The following GSG1L2 variants were observed in gnomAD, a reference collection of about 807,000 sequenced individuals.
The protein encoded by GSG1L2 is germ cell-specific gene 1-like protein 2.
In GSG1L2, 15 loss-of-function variants were observed where a neutral mutation model predicts 9.0. That is an observed-to-expected ratio of 1.67 (90% CI 1.12 to 2.57). The LOEUF is 2.57. Ranked by LOEUF, GSG1L2 falls within the 30% of genes most tolerant of loss-of-function variation. The pLI is 0.00. For synonymous variants in GSG1L2, 127 were observed against 57.9 expected, an observed-to-expected ratio of 2.19 and a Z score of -5.41; for missense variants, 286 against 150.3, an observed-to-expected ratio of 1.90 and a Z score of -4.72.
rs2152021573 is a variant in GSG1L2 at position 9,801,759 on chromosome 17, T to G, written c.*627A>C. On this transcript the variant is annotated 3_prime_UTR_variant, in exon 5 of 5. Coordinates refer to ENST00000399363, the MANE Select transcript of GSG1L2 (RefSeq NM_001310219.2). ...GTGTTCCACTTAAACTAAGATAAGA[T>G]GTCATTCCATTTGACTGTGTTTTCA... 6.6e-6 allele frequency among the ~76,000 whole-genome samples: 1 copy of G among 152,384 alleles called. No homozygotes were observed. Among genetic ancestry groups the G allele is most frequent in the South Asian group, 2.1e-4 (1 of 4,828 alleles).
chr17:9,816,651 GTGTC>G (rs1263439329), intron 1 of GSG1L2, among the ~76,000 whole-genome samples: 29 of 123,106 alleles, frequency 2.4e-4, no homozygotes, highest in Admixed American at 2.1e-3. Context: ...GTGTCTGTGT[GTGTC>G]TGTGTGTGCG....
chr17:9,810,188 G>A (rs4791360), intron 2 of GSG1L2: 174,752 of 247,334 alleles, frequency 0.71, 62,735 homozygotes, highest in East Asian at 0.87. Context: ...TGAGTGTTAG[G>A]GAGCTTTAGA....
intron 1 of GSG1L2, among the ~76,000 whole-genome samples, chr17:9,812,507 T>C (rs989352983): frequency 6.6e-6 from 1 of 152,124 alleles, no homozygotes; most frequent in Admixed American, 6.6e-5. Context: ...CAAATTACCA[T>C]AGATGGGGTG....
chr17:9,811,991 T>TTA (rs2066540969), intron 1 of GSG1L2, among the ~76,000 whole-genome samples: 1 of 151,926 alleles, frequency 6.6e-6, no homozygotes. Flanking sequence ...CACTTATCAC[T>TTA]TATCACTTAT....
chr17:9,802,040 C>T lies in GSG1L2; in HGVS notation c.*346G>A, dbSNP rs1188982585. ...TTTGCCTCCCTTGTAGTTAAAAAGA[C>T]TTGCTTTCCTCTTTCTTCAACTTCT... On this transcript the variant is annotated 3_prime_UTR_variant, in exon 5 of 5. Coordinates refer to ENST00000399363, the MANE Select transcript of GSG1L2 (RefSeq NM_001310219.2). Among the ~76,000 whole-genome samples, 1 of 152,210 alleles carries T rather than the reference C, an allele frequency of 6.6e-6. No individual in the cohort carries two copies. The highest frequency in any genetic ancestry group is 2.1e-4 in the South Asian group (1 of 4,828).
At chr17:9,817,637 C>A (rs895042090) in intron 1 of GSG1L2, among the ~76,000 whole-genome samples, 1 of 152,040 alleles carries the variant, frequency 6.6e-6, no homozygotes, top group Admixed American at 6.6e-5. Flanking sequence ...GTTGGCCAGG[C>A]CGGTCTTGAA....
chr17:9,805,790 A>G (rs750638280), intron 4 of GSG1L2, among the ~76,000 whole-genome samples: 1 of 152,178 alleles, frequency 6.6e-6, no homozygotes, highest in Non-Finnish European at 1.5e-5. Context: ...CTGAGAAGCT[A>G]ATCTGATTAG....
intron 3 of GSG1L2, 91 bp downstream of exon 3, chr17:9,808,739 G>A (rs76548690): frequency 2.6e-5 from 17 of 647,050 alleles, no homozygotes; most frequent in Non-Finnish European, 4.2e-5. Context: ...ATGGGAAAGA[G>A]CCAGCCTGTT....
intron 1 of GSG1L2, among the ~76,000 whole-genome samples, chr17:9,811,362 C>T (rs1013641856): frequency 2.0e-5 from 3 of 152,204 alleles, no homozygotes; most frequent in Non-Finnish European, 1.5e-5. Flanking sequence ...AAGCCGCCAC[C>T]AGACTCATTT....
Position 9,807,605 on chromosome 17 carries a change from C to T in GSG1L2, c.512-4G>A, listed in dbSNP as rs142427521. ...TGGGCCACCATGCCTAGAAGCCCTG[C>T]GCAAGGAAAGCTCTGTGAGTCACAG... On this transcript the variant is annotated splice_region_variant and splice_polypyrimidine_tract_variant and intron_variant, in intron 3 of 4. Transcript: ENST00000399363. 6.3e-5 allele frequency: 44 copies of T among 703,330 alleles called. No individual in the cohort carries two copies. The highest frequency in any genetic ancestry group is 1.1e-4 in the East Asian group (4 of 37,288). 43.6% of individuals were successfully genotyped at this position (703,330 alleles called of 1,614,324 possible). A position where few individuals can be genotyped will look rare whatever the true frequency, so the allele number is the denominator to read the frequency against.
chr17:9,820,519 G>A lies in GSG1L2; in HGVS notation c.310+1243C>T, dbSNP rs955746944. Among the ~76,000 whole-genome samples the A allele has an allele frequency of 3.3e-5, 5 of 152,286 alleles. No individual in the cohort carries two copies. The highest frequency in any genetic ancestry group is 1.3e-4 in the Admixed American group (2 of 15,302). ...AGCCTTAGCTCCAGGCACTATTGCA[G>A]TGTCTGTACCACACTTAAAGCACAA... On this transcript the variant is annotated intron_variant, in intron 1 of 4. Coordinates refer to ENST00000399363, the MANE Select transcript of GSG1L2 (RefSeq NM_001310219.2). The surrounding 1 kb of genome is among the most constrained non-coding windows in gnomAD (Gnocchi z 4.9).
At chr17:9,814,425 G>A (rs908467877) in intron 1 of GSG1L2, among the ~76,000 whole-genome samples, 3 of 152,136 alleles carry the variant, frequency 2.0e-5, no homozygotes, top group African/African-American at 7.2e-5. Flanking sequence ...AGAAGTGAAG[G>A]TCTAACTTGT....
chr17:9,800,757 G>A lies in GSG1L2; in HGVS notation c.*1629C>T, dbSNP rs2066493637. 6.6e-6 allele frequency among the ~76,000 whole-genome samples: 1 copy of A among 152,164 alleles called. No homozygotes were observed. The highest frequency in any genetic ancestry group is 2.1e-4 in the South Asian group (1 of 4,826). On this transcript the variant is annotated 3_prime_UTR_variant, in exon 5 of 5. Transcript: ENST00000399363. The stretch of plus-strand genomic sequence containing the variant: ...GACCTGATATCGTGACAGTCACACA[G>A]GACCTGCCTACATGAATACATAGGG...
At chr17:9,819,179 G>A (rs1359806672) in intron 1 of GSG1L2, among the ~76,000 whole-genome samples, 1 of 152,190 alleles carries the variant, frequency 6.6e-6, no homozygotes, top group Non-Finnish European at 1.5e-5. Flanking sequence ...GATCAGAAAC[G>A]AAGAGGCAAT....
intron 4 of GSG1L2, chr17:9,803,866 C>T (rs908571257): frequency 6.6e-6 from 1 of 152,210 alleles, no homozygotes; most frequent in Non-Finnish European, 1.5e-5. Context: ...CGGCTGCAAA[C>T]CCTGTGAGTC....
chr17:9,803,415 C>T (rs2066505092), intron 4 of GSG1L2, among the ~76,000 whole-genome samples: 1 of 152,174 alleles, frequency 6.6e-6, no homozygotes, highest in African/African-American at 2.4e-5. Flanking sequence ...CATCATTATT[C>T]TTATATCCCC....
chr17:9,810,719 G>A, intron 1 of GSG1L2, 101 bp from the exon 2 acceptor site: 1 of 688,264 alleles, frequency 1.5e-6, no homozygotes, highest in Non-Finnish European at 2.6e-6. Context: ...AATGGGGAGT[G>A]TGCAGACTGC....
At chr17:9,805,177 A>G (rs1303669316) in intron 4 of GSG1L2, 1 of 152,206 alleles carries the variant, frequency 6.6e-6, no homozygotes, top group African/African-American at 2.4e-5. Context: ...GAGAACAAAA[A>G]ACTGACGAAA....
intron 2 of GSG1L2, chr17:9,809,885 G>A (rs1172467334): frequency 6.6e-6 from 1 of 152,416 alleles, no homozygotes; most frequent in Non-Finnish European, 1.5e-5. Context: ...CATGGGGGTG[G>A]AGGGTCTGTG....
Sources: gnomAD v4.1 joint callset for allele counts (sites outside exome capture counted in the v4.1 genomes callset) on GRCh38, gnomAD v4.1.1 for gene constraint, Gnocchi (gnomAD v3.1) non-coding constraint, MANE v1.5 for transcripts, NCBI Gene and HGNC (gene_info 2026-07-23, HGNC 2026-07-21) for gene names.